Variants in METTL17 observed in about 807,000 individuals in gnomAD.
METTL17 encodes the protein ribosome assembly protein METTL17, mitochondrial.
METTL17 carries 49 observed loss-of-function variants against 59.4 expected under a neutral mutation model. That is an observed-to-expected ratio of 0.82 (90% CI 0.66 to 1.05). The LOEUF is 1.05. Ranked by LOEUF, METTL17 falls within the 50% of genes least tolerant of loss-of-function variation. The pLI is 0.00. For synonymous variants in METTL17, 208 were observed against 209.2 expected, an observed-to-expected ratio of 0.99 and a Z score of 0.05; for missense variants, 555 against 578.4, an observed-to-expected ratio of 0.96 and a Z score of 0.41.
chr14:20,992,493 G>A (rs1566431821), intron 4 of METTL17, 48 bp from the exon 5 acceptor site: 2 of 1,417,676 alleles, frequency 1.4e-6, no homozygotes, highest in South Asian at 1.2e-5. Flanking sequence ...GTAATTATGG[G>A]ATTAAGGTTA....
intron 9 of METTL17, 122 bp downstream of exon 9, chr14:20,995,023 T>A: frequency 8.8e-7 from 1 of 1,137,748 alleles, no homozygotes; most frequent in Non-Finnish European, 1.3e-6. Context: ...TTTATCCCTC[T>A]TTGAGGGTCT....
intron 4 of METTL17, 30 bp from the exon 5 acceptor site, chr14:20,992,511 G>A (rs946533044): frequency 3.3e-6 from 5 of 1,534,382 alleles, no homozygotes; most frequent in East Asian, 4.5e-5. Flanking sequence ...TTATTTACTA[G>A]TATGTACAAC....
Position 20,990,292 on chromosome 14 carries a change from G to C in METTL17, c.138G>C (p.Lys46Asn), listed in dbSNP as rs144424590. The C allele has an allele frequency of 6.2e-6, 10 of 1,614,256 alleles. No homozygotes were observed. Among genetic ancestry groups the C allele is most frequent in the Non-Finnish European group, 7.6e-6 (9 of 1,180,040 alleles). ...ATAACAAGTCCGGTTTCCTGCAGAA[G>C]AGGCCTCATCGCCAGCACCCTGGCA... ...QVDNKSGFLQ[K>N]RPHRQHPGIL... is the part of the protein sequence containing the mutation. Residue 46 changes from lysine (K) to asparagine (N), a missense_variant, in exon 2 of 14, where the codon AAG becomes AAC. By Grantham distance (94) the Lys-to-Asn change is moderately conservative. Coordinates refer to ENST00000339374, the MANE Select transcript of METTL17 (RefSeq NM_022734.3).
At chr14:20,993,329 T>C in intron 6 of METTL17, 138 bp downstream of exon 6, 1 of 730,876 alleles carries the variant, frequency 1.4e-6, no homozygotes, top group Non-Finnish European at 2.4e-6. Context: ...TTCCATCAGA[T>C]TAGGCAAGGC....
chr14:20,995,320 G>C (rs1222618222), intron 10 of METTL17, 87 bp downstream of exon 10: 3 of 1,184,430 alleles, frequency 2.5e-6, no homozygotes, highest in Non-Finnish European at 3.8e-6. Flanking sequence ...GTCATGTATT[G>C]ACAAGGGTGG....
rs138891241 is a variant in METTL17 at position 20,996,214 on chromosome 14, C to T, written c.1002C>T (p.Pro334=). The change falls in exon 12 of 14, where the codon CCC becomes CCT. Residue 334 remains proline (P), a synonymous_variant. Transcript: ENST00000339374. The part of the protein sequence containing the change: ...PRPGFVFAPC[P]HELPCPQLTN... Reference sequence around the variant, plus strand: ...ATTTTTTTATGTGTTCACAGTGTCCCCATGAACTCCCTTGTCCCCAGTTGA... The same window carrying T: ...ATTTTTTTATGTGTTCACAGTGTCCTCATGAACTCCCTTGTCCCCAGTTGA... 101 of 1,613,882 alleles carry T rather than the reference C, an allele frequency of 6.3e-5. No individual in the cohort carries two copies. The African/African-American group carries it at 1.1e-3, about 17-fold the overall frequency.
intron 1 of METTL17, 52 bp from the exon 2 acceptor site, chr14:20,990,177 GC>G (rs781622664): frequency 6.2e-7 from 1 of 1,612,932 alleles, no homozygotes; most frequent in South Asian, 1.1e-5. Context: ...CCTAGCGATT[GC>G]CAGCAACTTT....
chr14:20,992,293 T>C, intron 4 of METTL17, 88 bp downstream of exon 4: 1 of 844,938 alleles, frequency 1.2e-6, no homozygotes, highest in East Asian at 2.5e-5. Context: ...ATCAATTTAG[T>C]ATTTTCTTTT....
rs751216366 is a variant in METTL17 at position 20,990,229 on chromosome 14, G to A, written c.76-1G>A. 1.2e-6 allele frequency: 2 copies of A among 1,614,090 alleles called. No homozygotes were observed. The highest frequency in any genetic ancestry group is 2.7e-5 in the African/African-American group (2 of 74,944). ...ATCAACCTACCTTTCTCTGCCTGCA[G>A]GCGCTCGCCGCCTTAGTACCCGGAG... On this transcript the variant is annotated splice_acceptor_variant, in intron 1 of 13. Transcript: ENST00000339374. LOFTEE classifies it high-confidence loss of function.
chr14:20,995,796 T>C (rs1026022671), intron 10 of METTL17, 105 bp from the exon 11 acceptor site: 2 of 831,504 alleles, frequency 2.4e-6, no homozygotes, highest in Non-Finnish European at 4.1e-6. Context: ...CAATCGTTAT[T>C]AGAATTGAGT....
At chr14:20,995,617 A>G (rs548396525) in intron 10 of METTL17, among the ~76,000 whole-genome samples, 2 of 152,322 alleles carry the variant, frequency 1.3e-5, no homozygotes, top group Admixed American at 1.3e-4. Context: ...GAGCCAGTGT[A>G]TAATCATAAA....
At position 20,993,115 on chromosome 14, in the gene METTL17, C is replaced by G; in HGVS notation, c.529-3C>G. ...TACTGTGGGATGTTGTATATTTCTT[C>G]AGATCCGGGCTCGAAATCCAGCATT... is the stretch of plus-strand genomic sequence containing the variant. On this transcript the variant is annotated splice_polypyrimidine_tract_variant and splice_region_variant and intron_variant, in intron 5 of 13. Transcript: ENST00000339374. 6.2e-7 allele frequency: 1 copy of G among 1,613,948 alleles called. No individual in the cohort carries two copies. Among genetic ancestry groups the G allele is most frequent in the African/African-American group, 1.3e-5 (1 of 75,026 alleles).
In METTL17 at chr14:20,990,074, C is replaced by T. The variant is rs1879943135; in HGVS notation, c.72C>T (p.Ala24=). 6.2e-7 allele frequency: 1 copy of T among 1,613,152 alleles called. No individual in the cohort carries two copies. Among genetic ancestry groups the T allele is most frequent in the Non-Finnish European group, 8.5e-7 (1 of 1,180,028 alleles). ...CCGGCCTTGGAGTGGCTCCCCAGGC[C>T]CGGGTGAGTGCCTACATTCCCTGCT... is the stretch of plus-strand genomic sequence containing the variant. The part of the protein sequence containing the change: ...WCPGLGVAPQ[A]RALAALVPGV... Residue 24 remains alanine, a synonymous_variant, in exon 1 of 14, where the codon GCC becomes GCT. Coordinates refer to ENST00000339374, the MANE Select transcript of METTL17 (RefSeq NM_022734.3).
In METTL17 at chr14:20,993,147, A is replaced by G. The variant is rs760043288; in HGVS notation, c.558A>G (p.Pro186=). ...EIRARNPAFQ[P]QTLMDFGSGT... is the part of the protein sequence containing the mutation. ...GGGCTCGAAATCCAGCATTTCAGCC[A>G]CAAACTTTGATGGACTTTGGCTCAG... is the stretch of plus-strand genomic sequence containing the variant. The change falls in exon 6 of 14, where the codon CCA becomes CCG. Residue 186 remains proline, a synonymous_variant. Coordinates refer to ENST00000339374, the MANE Select transcript of METTL17 (RefSeq NM_022734.3). 7 of 1,614,180 alleles carry G rather than the reference A, an allele frequency of 4.3e-6. No individual in the cohort carries two copies. The highest frequency in any genetic ancestry group is 5.9e-6 in the Non-Finnish European group (7 of 1,180,030).
chr14:20,993,476 CT>C (rs66578629), intron 6 of METTL17: 641 of 366,124 alleles, frequency 1.8e-3, no homozygotes, highest in Middle Eastern at 3.0e-3. Flanking sequence ...TTGAGTCTAC[CT>C]TTTTTTTTTC....
In METTL17 at chr14:20,996,893, A is replaced by G. The variant is rs1402385173; in HGVS notation, c.*3A>G. ...CTCAGGATCCCTCTGAGAGTTGATG[A>G]GGATGTGTAACAAGTATTTTCTTCT... is the stretch of plus-strand genomic sequence containing the variant. On this transcript the variant is annotated 3_prime_UTR_variant, in exon 14 of 14. Coordinates refer to ENST00000339374, the MANE Select transcript of METTL17 (RefSeq NM_022734.3). 1.2e-6 allele frequency: 2 copies of G among 1,600,394 alleles called. No homozygotes were observed. The highest frequency in any genetic ancestry group is 2.7e-5 in the African/African-American group (2 of 74,738).
At position 20,996,589 on chromosome 14, in the gene METTL17, G is replaced by C. The variant is rs1448110392; in HGVS notation, c.1143G>C (p.Glu381Asp). Reference protein sequence around the residue: ...MVILARGSPEEAHRWPRITQP... With the variant: ...MVILARGSPEDAHRWPRITQP... ...TCCTTGCTCGGGGGTCTCCAGAGGA[G>C]GCTCATCGCTGGCCCCGTATCACTC... Residue 381 changes from glutamate to aspartate, a missense_variant, in exon 13 of 14, where the codon GAG (glutamate) becomes GAC (aspartate). Physicochemically the swap from Glu to Asp is conservative, Grantham distance 45 (BLOSUM62 2). Transcript: ENST00000339374. The C allele has an allele frequency of 6.2e-7, 1 of 1,614,204 alleles. No individual in the cohort carries two copies. Among genetic ancestry groups the C allele is most frequent in the Non-Finnish European group, 8.5e-7 (1 of 1,180,042 alleles).
chr14:20,995,056 ATTTC>A (rs757762338), intron 9 of METTL17, 105 bp from the exon 10 acceptor site: 1 of 1,200,388 alleles, frequency 8.3e-7, no homozygotes, highest in East Asian at 2.3e-5. Context: ...TGTAATGCCT[ATTTC>A]TTTTTAGGAC....
At chr14:20,994,136 G>A in intron 7 of METTL17, 73 bp downstream of exon 7, 2 of 1,101,810 alleles carry the variant, frequency 1.8e-6, no homozygotes, top group Non-Finnish European at 2.8e-6. Context: ...TGTTTTACTG[G>A]GAAGTAGAGA....
Sources: allele counts gnomAD v4.1 joint callset (sites outside exome capture counted in the v4.1 genomes callset), GRCh38; gene constraint gnomAD v4.1.1; transcripts MANE v1.5; gene names NCBI Gene and HGNC (gene_info 2026-07-23, HGNC 2026-07-21).